The following DPP10 variants were observed in gnomAD, a reference collection of about 807,000 sequenced individuals.
DPP10 encodes inactive dipeptidyl peptidase 10.
DPP10 carries 33 observed loss-of-function variants against 120.9 expected under a neutral mutation model. The ratio of observed to expected loss-of-function variants is 0.27; its 90% CI spans 0.21 to 0.37. The LOEUF (loss-of-function observed/expected upper bound fraction) is 0.37, where lower values mean the gene tolerates loss of function less well. Ranked by LOEUF, DPP10 falls within the 10% of genes least tolerant of loss-of-function variation. DPP10 has a pLI of 1.00. For synonymous variants in DPP10, 337 were observed against 326.1 expected (o/e 1.03, Z -0.36); for missense variants, 816 against 942.8 (o/e 0.87, Z 1.76).
chr2:115,552,357 G>A (rs1443014054), intron 5 of DPP10, among the ~76,000 whole-genome samples: 2 of 152,066 alleles, frequency 1.3e-5, no homozygotes, highest in South Asian at 2.1e-4. Flanking sequence ...TCACACAAGC[G>A]TCTATGCTCC....
intron 3 of DPP10, among the ~76,000 whole-genome samples, chr2:115,447,163 G>A (rs1244309556): frequency 6.6e-6 from 1 of 152,186 alleles, no homozygotes; most frequent in Non-Finnish European, 1.5e-5. Flanking sequence ...GGAGCTTTAA[G>A]ATTTAATGAC....
chr2:115,565,334 A>G (rs1350199367), intron 5 of DPP10, among the ~76,000 whole-genome samples: 6 of 152,184 alleles, frequency 3.9e-5, no homozygotes, highest in African/African-American at 1.2e-4. Flanking sequence ...ATACATTAAT[A>G]TATAGCTATT....
chr2:115,535,359 T>C (rs1479476071), intron 5 of DPP10, among the ~76,000 whole-genome samples: 3 of 151,740 alleles, frequency 2.0e-5, no homozygotes, highest in African/African-American at 4.8e-5. Flanking sequence ...GCACCATTTA[T>C]TAAATAGGGA....
At chr2:115,209,989 G>A (rs1191170428) in intron 1 of DPP10, among the ~76,000 whole-genome samples, 1 of 151,878 alleles carries the variant, frequency 6.6e-6, no homozygotes, top group African/African-American at 2.4e-5. Context: ...CACTAGCCTG[G>A]GCAACATGAG....
chr2:115,107,474 T>C (rs2049008823), intron 1 of DPP10, among the ~76,000 whole-genome samples: 1 of 137,986 alleles, frequency 7.2e-6, no homozygotes, highest in Admixed American at 7.7e-5. Flanking sequence ...AGATTTATCA[T>C]ATGTCAGATA....
intron 3 of DPP10, among the ~76,000 whole-genome samples, chr2:115,356,442 A>G (rs1446517324): frequency 6.6e-6 from 1 of 152,060 alleles, no homozygotes; most frequent in Non-Finnish European, 1.5e-5. Context: ...TTATCAGCTT[A>G]AGGAGTTTTG....
chr2:115,729,624 GC>G (rs1470399575), intron 8 of DPP10, among the ~76,000 whole-genome samples: 1 of 152,092 alleles, frequency 6.6e-6, no homozygotes, highest in Non-Finnish European at 1.5e-5. Flanking sequence ...TTAAAAATTA[GC>G]CAGATGTGAT....
intron 1 of DPP10, among the ~76,000 whole-genome samples, chr2:114,742,428 T>C (rs2105993298): frequency 6.6e-6 from 1 of 152,384 alleles, no homozygotes; most frequent in Non-Finnish European, 1.5e-5. Context: ...TCCTAAGAGC[T>C]GGCTGATTTC....
intron 13 of DPP10, among the ~76,000 whole-genome samples, chr2:115,776,138 G>A (rs1476496540): frequency 6.6e-6 from 1 of 152,094 alleles, no homozygotes; most frequent in Non-Finnish European, 1.5e-5. Flanking sequence ...AGAGATAACA[G>A]TTGTTTTTGT....
intron 1 of DPP10, among the ~76,000 whole-genome samples, chr2:115,104,862 C>G (rs919592042): frequency 3.3e-5 from 5 of 152,030 alleles, no homozygotes; most frequent in African/African-American, 1.2e-4. Context: ...AAAAATTAGC[C>G]GGGCGTGGAG....
intron 5 of DPP10, among the ~76,000 whole-genome samples, chr2:115,685,065 C>G (rs1409333524): frequency 6.6e-6 from 1 of 151,878 alleles, no homozygotes; most frequent in Non-Finnish European, 1.5e-5. Context: ...TGACTGTTTC[C>G]TACTTAAACT....
intron 1 of DPP10, among the ~76,000 whole-genome samples, chr2:114,495,889 T>C (rs1682471800): frequency 6.6e-6 from 1 of 152,180 alleles, no homozygotes; most frequent in South Asian, 2.1e-4. Flanking sequence ...AGATAGACAT[T>C]ACACACACAC....
intron 3 of DPP10, among the ~76,000 whole-genome samples, chr2:115,457,543 C>T (rs534281508): frequency 6.6e-6 from 1 of 152,012 alleles, no homozygotes; most frequent in Non-Finnish European, 1.5e-5. Flanking sequence ...AATTTTTTAC[C>T]AAAGAATTCA....
intron 1 of DPP10, among the ~76,000 whole-genome samples, chr2:114,798,579 A>G (rs188340651): frequency 1.3e-5 from 2 of 152,130 alleles, no homozygotes; most frequent in South Asian, 2.1e-4. Flanking sequence ...TTGCATCTGC[A>G]TGAAGGTCAA....
intron 1 of DPP10, among the ~76,000 whole-genome samples, chr2:114,956,912 T>C (rs1404524842): frequency 6.8e-6 from 1 of 147,814 alleles, no homozygotes; most frequent in African/African-American, 2.5e-5. Context: ...GACCCTTTTC[T>C]CACACCATAT....
chr2:115,215,657 G>A (rs1159295498), intron 1 of DPP10, among the ~76,000 whole-genome samples: 6 of 151,942 alleles, frequency 3.9e-5, no homozygotes, highest in South Asian at 4.1e-4. Context: ...TACATCATTG[G>A]TGGGAATATG....
At chr2:114,960,780 C>T (rs1423172769) in intron 1 of DPP10, among the ~76,000 whole-genome samples, 3 of 152,134 alleles carry the variant, frequency 2.0e-5, no homozygotes, top group African/African-American at 7.2e-5. Context: ...TTTGTATAAG[C>T]AATATGAATT....
At chr2:115,693,177 A>G (rs1458962596) in intron 7 of DPP10, among the ~76,000 whole-genome samples, 1 of 152,234 alleles carries the variant, frequency 6.6e-6, no homozygotes, top group Non-Finnish European at 1.5e-5. Flanking sequence ...CATTTAATCT[A>G]CCATCACAGA....
intron 1 of DPP10, among the ~76,000 whole-genome samples, chr2:114,537,417 C>G (rs1388848493): frequency 6.6e-6 from 1 of 152,060 alleles, no homozygotes; most frequent in Non-Finnish European, 1.5e-5. Flanking sequence ...TAAGGAAAAT[C>G]ATCTCTGTGG....
Sources: allele counts gnomAD v4.1 joint callset (sites outside exome capture counted in the v4.1 genomes callset), GRCh38; gene constraint gnomAD v4.1.1; transcripts MANE v1.5; gene names NCBI Gene and HGNC (gene_info 2026-07-23, HGNC 2026-07-21).